The following BBS12 variants were observed in gnomAD, a reference collection of about 807,000 sequenced individuals.
The protein encoded by BBS12 is chaperonin-containing T-complex member BBS12.
Under a neutral mutation model 5.6 loss-of-function variants are expected in BBS12, and 5 were observed. That is an observed-to-expected ratio of 0.89 (90% CI 0.46 to 1.86). The LOEUF is 1.86. Ranked by LOEUF, BBS12 falls within the 40% of genes most tolerant of loss-of-function variation. The pLI, the probability that BBS12 is intolerant of heterozygous loss-of-function variation, is 0.01. For missense variants in BBS12, 748 were observed against 830.4 expected, an observed-to-expected ratio of 0.90 and a Z score of 1.22; for synonymous variants, 308 against 306.8, an observed-to-expected ratio of 1.00 and a Z score of -0.04.
intron 1 of BBS12, among the ~76,000 whole-genome samples, chr4:122,733,568 T>G (rs1166603639): frequency 6.6e-6 from 1 of 152,184 alleles, no homozygotes; most frequent in South Asian, 2.1e-4. Context: ...TGTGAAACTT[T>G]TGTAAACCAA....
chr4:122,704,471 G>C, the BBS12 span, among the ~76,000 whole-genome samples: 1 of 152,142 alleles, frequency 6.6e-6, no homozygotes, highest in African/African-American at 2.4e-5. Context: ...CCTAGCTGGC[G>C]CCCAGATGCC....
chr4:122,733,279 A>G (rs1434678178), intron 1 of BBS12, among the ~76,000 whole-genome samples: 1 of 152,122 alleles, frequency 6.6e-6, no homozygotes, highest in Non-Finnish European at 1.5e-5. Context: ...CACTACATAC[A>G]TAGATAAACG....
At position 122,742,525 on chromosome 4, in the gene BBS12, C is replaced by G; in HGVS notation, c.633C>G (p.Asn211Lys). The change falls in exon 2 of 2, where the codon AAC becomes AAG. Residue 211 changes from asparagine to lysine, a missense_variant. By Grantham distance (94) the Asn-to-Lys change is moderately conservative. Transcript: ENST00000314218. ...KPQTKVEADN[N>K]TSRTLKNSLL... ...AGACAAAGGTTGAAGCAGATAACAA[C>G]ACATCACGAACTCTGAAAAACAGCC... 6.2e-7 allele frequency: 1 copy of G among 1,614,152 alleles called. No homozygotes were observed. Among genetic ancestry groups the G allele is most frequent in the Non-Finnish European group, 8.5e-7 (1 of 1,180,028 alleles).
In BBS12 at chr4:122,743,817, A is replaced by T; in HGVS notation, c.1925A>T (p.Lys642Ile). 1 of 1,609,644 alleles carries T rather than the reference A, an allele frequency of 6.2e-7. No individual in the cohort carries two copies. The highest frequency in any genetic ancestry group is 8.5e-7 in the Non-Finnish European group (1 of 1,178,568). Residue 642 changes from lysine (K) to isoleucine (I), a missense_variant, in exon 2 of 2, where the codon AAA becomes ATA. Coordinates refer to ENST00000314218, the MANE Select transcript of BBS12 (RefSeq NM_152618.3). The part of the protein sequence containing the change: ...PSSYILNEYS[K>I]LNSRIFNSDI... ...TCTTACATCTTGAATGAATATAGTA[A>T]ACTAAATAGTAGAATTTTTAATTCA... is the stretch of plus-strand genomic sequence containing the variant.
chr4:122,715,957 T>C, the BBS12 span, among the ~76,000 whole-genome samples: 3 of 152,210 alleles, frequency 2.0e-5, no homozygotes, highest in African/African-American at 7.2e-5. Context: ...AAAAAAGTGT[T>C]TCAATGTCAA....
the BBS12 span, among the ~76,000 whole-genome samples, chr4:122,703,199 T>C: frequency 1.3e-5 from 2 of 152,088 alleles, no homozygotes; most frequent in Non-Finnish European, 2.9e-5. Context: ...TCTCCTTTCC[T>C]AAGTGGGCAG....
At chr4:122,705,240 C>T in the BBS12 span, among the ~76,000 whole-genome samples, 2 of 152,150 alleles carry the variant, frequency 1.3e-5, no homozygotes, top group Non-Finnish European at 2.9e-5. Context: ...ATCAGTCAGC[C>T]CTCAGACACG....
chr4:122,703,598 G>A, the BBS12 span, among the ~76,000 whole-genome samples: 2 of 152,088 alleles, frequency 1.3e-5, no homozygotes, highest in East Asian at 3.9e-4. Flanking sequence ...TTTCAAAGCT[G>A]GTGAGAAGGT....
chr4:122,739,262 G>C (rs1000449888), intron 1 of BBS12, among the ~76,000 whole-genome samples: 1 of 152,220 alleles, frequency 6.6e-6, no homozygotes, highest in African/African-American at 2.4e-5. Context: ...TGGTATGGCA[G>C]CCCTAGGAAG....
At chr4:122,709,418 A>G in the BBS12 span, among the ~76,000 whole-genome samples, 2 of 152,324 alleles carry the variant, frequency 1.3e-5, no homozygotes, top group South Asian at 4.1e-4. Context: ...CAGGACAACT[A>G]TGTTGCAATA....
At chr4:122,706,739 A>C in the BBS12 span, among the ~76,000 whole-genome samples, 4 of 152,178 alleles carry the variant, frequency 2.6e-5, no homozygotes. Flanking sequence ...TTTTGGAAGA[A>C]TCTCTAGTTC....
the BBS12 span, among the ~76,000 whole-genome samples, chr4:122,713,059 G>A: frequency 6.6e-6 from 1 of 152,152 alleles, no homozygotes; most frequent in Non-Finnish European, 1.5e-5. Flanking sequence ...ATAAAGCTGG[G>A]TGCACGCAGT....
chr4:122,739,565 G>A (rs901006481), intron 1 of BBS12, among the ~76,000 whole-genome samples: 1 of 152,252 alleles, frequency 6.6e-6, no homozygotes, highest in African/African-American at 2.4e-5. Flanking sequence ...GGGCTTGAAA[G>A]TTGAAGAGCA....
At chr4:122,714,574 G>A in the BBS12 span, among the ~76,000 whole-genome samples, 1 of 151,988 alleles carries the variant, frequency 6.6e-6, no homozygotes, top group African/African-American at 2.4e-5. Context: ...GAGGTCAGGA[G>A]TTCAAGACCA....
the BBS12 span, among the ~76,000 whole-genome samples, chr4:122,707,051 TCTC>T: frequency 2.7e-4 from 27 of 100,804 alleles, no homozygotes; most frequent in African/African-American, 1.3e-3. Flanking sequence ...TCTCTCTCTC[TCTC>T]TTTTTTTTTT....
At position 122,732,718 on chromosome 4, in the gene BBS12, G is replaced by A. The variant is rs1800715844; in HGVS notation, c.-177G>A. ...TCCAGCTGTGTCTCTTAGCAACTAA[G>A]CCCCCGGCTCCTCCAGAAGCCCCTC... On this transcript the variant is annotated 5_prime_UTR_variant, in exon 1 of 2. Coordinates refer to ENST00000314218, the MANE Select transcript of BBS12 (RefSeq NM_152618.3). 1 of 152,444 alleles carries A rather than the reference G, an allele frequency of 6.6e-6. No individual in the cohort carries two copies. Among genetic ancestry groups the A allele is most frequent in the South Asian group, 2.1e-4 (1 of 4,838 alleles). 9.4% of individuals were successfully genotyped at this position (152,444 alleles called of 1,614,324 possible).
intron 1 of BBS12, among the ~76,000 whole-genome samples, chr4:122,740,399 G>A (rs1350471815): frequency 1.3e-5 from 2 of 152,200 alleles, no homozygotes; most frequent in Admixed American, 6.5e-5. Flanking sequence ...CTGAAGAGGA[G>A]GAGAAATGCC....
upstream of BBS12, chr4:122,732,353 C>G (rs1480996312): frequency 6.6e-6 from 1 of 152,320 alleles, no homozygotes; most frequent in Non-Finnish European, 1.5e-5. Context: ...CCAGGGGCAG[C>G]CTTCCTTGCT....
At chr4:122,707,479 T>G in the BBS12 span, among the ~76,000 whole-genome samples, 1 of 152,234 alleles carries the variant, frequency 6.6e-6, no homozygotes, top group Admixed American at 6.5e-5. Flanking sequence ...TCAAATACTT[T>G]TTAAGACTTC....
Sources: gnomAD v4.1 joint callset for allele counts (sites outside exome capture counted in the v4.1 genomes callset) on GRCh38, gnomAD v4.1.1 for gene constraint, MANE v1.5 for transcripts, NCBI Gene and HGNC (gene_info 2026-07-23, HGNC 2026-07-21) for gene names.